The following LANCL2 variants were observed in gnomAD, a reference collection of about 807,000 sequenced individuals.
LANCL2 encodes lanC-like protein 2.
A neutral mutation model predicts 56.9 loss-of-function variants in LANCL2; 33 were observed. The ratio of observed to expected loss-of-function variants is 0.58; its 90% CI spans 0.44 to 0.78. The LOEUF is 0.78. LANCL2 is among the 30% of genes least tolerant of loss of function. The pLI is 0.00. For missense variants in LANCL2, 562 were observed against 580.2 expected, an observed-to-expected ratio of 0.97 and a Z score of 0.32; for synonymous variants, 233 against 228.2, an observed-to-expected ratio of 1.02 and a Z score of -0.19.
At chr7:55,423,384 C>T (rs911543876) in intron 6 of LANCL2, among the ~76,000 whole-genome samples, 1 of 152,200 alleles carries the variant, frequency 6.6e-6, no homozygotes, top group Admixed American at 6.5e-5. Context: ...CACCCAGGCT[C>T]CACCAGCAGG....
chr7:55,386,377 A>G (rs926209672), intron 1 of LANCL2, among the ~76,000 whole-genome samples: 6 of 152,212 alleles, frequency 3.9e-5, no homozygotes, highest in African/African-American at 1.2e-4. Context: ...AATCTTCACA[A>G]TCCACATTCT....
At chr7:55,393,090 A>G (rs571325749) in intron 2 of LANCL2, among the ~76,000 whole-genome samples, 6 of 152,374 alleles carry the variant, frequency 3.9e-5, no homozygotes, top group African/African-American at 1.4e-4. Context: ...TTTACCCAGT[A>G]TTCAGAACAT....
chr7:55,403,730 T>C (rs1790372200), intron 5 of LANCL2, among the ~76,000 whole-genome samples: 1 of 151,634 alleles, frequency 6.6e-6, no homozygotes, highest in Non-Finnish European at 1.5e-5. Flanking sequence ...CACTACCACC[T>C]CCAGCTAATT....
chr7:55,377,172 T>C (rs1007086758), intron 1 of LANCL2, among the ~76,000 whole-genome samples: 2 of 152,334 alleles, frequency 1.3e-5, no homozygotes, highest in South Asian at 4.1e-4. Context: ...ATATGCAATA[T>C]GAAATGTAGC....
At chr7:55,409,250 G>A (rs982743328) in intron 5 of LANCL2, among the ~76,000 whole-genome samples, 1 of 151,500 alleles carries the variant, frequency 6.6e-6, no homozygotes, top group Non-Finnish European at 1.5e-5. Context: ...ACCATGCCCG[G>A]CTAATTTTTT....
intron 6 of LANCL2, among the ~76,000 whole-genome samples, chr7:55,419,819 A>G (rs946497240): frequency 6.6e-6 from 1 of 152,060 alleles, no homozygotes; most frequent in Non-Finnish European, 1.5e-5. Context: ...AGCTTTATCT[A>G]TTTTCTATTT....
intron 2 of LANCL2, 111 bp downstream of exon 2, chr7:55,392,021 GGT>G: frequency 2.6e-5 from 16 of 621,134 alleles, no homozygotes; most frequent in Non-Finnish European, 4.6e-5. Flanking sequence ...GGCCAGGCAC[GGT>G]GGCTGACGCC....
In LANCL2 at chr7:55,397,715, A is replaced by G. The variant is rs570124049; in HGVS notation, c.323-708A>G. 8.2e-5 allele frequency among the ~76,000 whole-genome samples: 11 copies of G among 134,046 alleles called. No homozygotes were observed. In the South Asian group the frequency reaches 2.6e-3, roughly 31 times the overall value. 87.9% of individuals were successfully genotyped at this position (134,046 alleles called of 152,430 possible). A position where few individuals can be genotyped will look rare whatever the true frequency, so the allele number is the denominator to read the frequency against. ...TATTGTCTTCTCGAACCCAGATGTA[A>G]GGACATGCTTCTTTAAGAAGCCATA... On this transcript the variant is annotated intron_variant, in intron 2 of 8. Transcript: ENST00000254770.
chr7:55,391,790 C>T lies in LANCL2; in HGVS notation c.205-3C>T, dbSNP rs758721819. ...TAAAGTTATCTCTTCTTTTGGATCT[C>T]AGATCATTCATAATTTCATAAGACG... On this transcript the variant is annotated splice_polypyrimidine_tract_variant and splice_region_variant and intron_variant, in intron 1 of 8. Transcript: ENST00000254770. 2.0e-6 allele frequency: 3 copies of T among 1,493,772 alleles called. No homozygotes were observed. The highest frequency in any genetic ancestry group is 1.9e-6 in the Non-Finnish European group (2 of 1,071,956). The allele number at this position is 1,493,772 out of a possible 1,614,324, so 92.5% of individuals were successfully genotyped here.
At chr7:55,386,596 G>A (rs1583747429) in intron 1 of LANCL2, among the ~76,000 whole-genome samples, 1 of 152,178 alleles carries the variant, frequency 6.6e-6, no homozygotes, top group East Asian at 1.9e-4. Flanking sequence ...AGGGCTACAT[G>A]TTCTGGACCC....
At chr7:55,396,696 A>G (rs1455338915) in intron 2 of LANCL2, among the ~76,000 whole-genome samples, 1 of 125,778 alleles carries the variant, frequency 8.0e-6, no homozygotes. Context: ...AAAAAACGAC[A>G]AAGCATGATG....
chr7:55,401,203 G>C lies in LANCL2; in HGVS notation c.708G>C (p.Lys236Asn). The change falls in exon 5 of 9, where the codon AAG becomes AAC. Residue 236 changes from lysine to asparagine, a missense_variant. By Grantham distance (94) the Lys-to-Asn change is moderately conservative. This residue lies in a region of LANCL2 where 378 missense variants were observed against 468.4 expected (regional missense o/e 0.81). Transcript: ENST00000254770. The part of the protein sequence containing the change: ...EVVNAIIESG[K>N]TLSREERKTE... ...TCAATGCTATTATTGAATCGGGTAAGACTTTGTCAAGGGAAGAAAGAAAAA... is the reference window on the plus strand; with the variant it reads ...TCAATGCTATTATTGAATCGGGTAACACTTTGTCAAGGGAAGAAAGAAAAA... 6.2e-7 allele frequency: 1 copy of C among 1,614,106 alleles called. No individual in the cohort carries two copies. Among genetic ancestry groups the C allele is most frequent in the Non-Finnish European group, 8.5e-7 (1 of 1,179,998 alleles).
intron 1 of LANCL2, among the ~76,000 whole-genome samples, chr7:55,371,089 C>T (rs1173400952): frequency 6.6e-6 from 1 of 152,130 alleles, no homozygotes; most frequent in Non-Finnish European, 1.5e-5. Flanking sequence ...ATTTTTATTA[C>T]CTGTAGTTTT....
chr7:55,429,574 C>T (rs1157694789), intron 8 of LANCL2, among the ~76,000 whole-genome samples: 2 of 152,170 alleles, frequency 1.3e-5, no homozygotes, highest in African/African-American at 2.4e-5. Context: ...GAGCAGAAAA[C>T]AGAGCATGTG....
intron 1 of LANCL2, among the ~76,000 whole-genome samples, chr7:55,385,853 T>C (rs1361658448): frequency 6.6e-6 from 1 of 152,176 alleles, no homozygotes; most frequent in South Asian, 2.1e-4. Context: ...ATTTCACCTC[T>C]GCAATCTCGA....
chr7:55,430,442 G>C (rs974259498), intron 8 of LANCL2, among the ~76,000 whole-genome samples: 12 of 152,208 alleles, frequency 7.9e-5, no homozygotes. Context: ...ACCAAGACCA[G>C]GCTGCTGGTT....
intron 1 of LANCL2, among the ~76,000 whole-genome samples, chr7:55,376,844 G>C (rs57187385): frequency 0.051 from 7,721 of 152,176 alleles, 660 homozygotes; most frequent in African/African-American, 0.17. Context: ...AACAGTGCCT[G>C]GCACATGGAA....
chr7:55,417,491 G>A (rs1449817145), intron 6 of LANCL2, among the ~76,000 whole-genome samples: 14 of 152,026 alleles, frequency 9.2e-5, no homozygotes, highest in Admixed American at 9.2e-4. Context: ...TGCATTTATT[G>A]TAAGTTTTGA....
intron 1 of LANCL2, among the ~76,000 whole-genome samples, chr7:55,383,110 T>G (rs1055466744): frequency 6.6e-6 from 1 of 152,048 alleles, no homozygotes; most frequent in Non-Finnish European, 1.5e-5. Context: ...TACAAAAAAT[T>G]AGTGGGACGT....
Sources: gnomAD v4.1 joint callset for allele counts (sites outside exome capture counted in the v4.1 genomes callset) on GRCh38, gnomAD v4.1.1 for gene constraint, gnomAD v4.1.1 regional missense constraint, MANE v1.5 for transcripts, NCBI Gene and HGNC (gene_info 2026-07-23, HGNC 2026-07-21) for gene names.